The following MTUS1 variants were observed in gnomAD, a reference collection of about 807,000 sequenced individuals.
MTUS1 encodes the protein microtubule-associated tumor suppressor 1.
Under a neutral mutation model 120.8 loss-of-function variants are expected in MTUS1, and 109 were observed. The ratio of observed to expected loss-of-function variants is 0.90; its 90% CI spans 0.77 to 1.06. MTUS1 has a LOEUF of 1.06. Among genes scored for constraint, MTUS1 ranks in the 50% least tolerant of loss-of-function variants. The probability of loss-of-function intolerance (pLI) is 0.00; values close to 1 mark genes in which losing one functional copy is unlikely to be tolerated. For synonymous variants in MTUS1, 737 were observed against 550.5 expected, an observed-to-expected ratio of 1.34 and a Z score of -4.74; for missense variants, 2,210 against 1,486.3, an observed-to-expected ratio of 1.49 and a Z score of -8.01.
At chr8:17,745,425 T>A (rs1344783932) in intron 2 of MTUS1, among the ~76,000 whole-genome samples, 2 of 152,246 alleles carry the variant, frequency 1.3e-5, no homozygotes, top group Non-Finnish European at 2.9e-5. Context: ...TGTAGTAAGT[T>A]CAAGTTTTGC....
intron 12 of MTUS1, among the ~76,000 whole-genome samples, chr8:17,652,877 T>C (rs188584838): frequency 2.1e-4 from 32 of 151,646 alleles, no homozygotes; most frequent in Admixed American, 9.2e-4. Context: ...GTTTGTTTTA[T>C]CTCAATACAG....
At chr8:17,792,313 T>C (rs953531730) in intron 1 of MTUS1, among the ~76,000 whole-genome samples, 3 of 152,144 alleles carry the variant, frequency 2.0e-5, no homozygotes, top group East Asian at 1.9e-4. Flanking sequence ...ACTCACACCA[T>C]ATAAGGAGAA....
chr8:17,705,920 A>C (rs1820063784), intron 6 of MTUS1: 1 of 152,220 alleles, frequency 6.6e-6, no homozygotes, highest in Non-Finnish European at 1.5e-5. Context: ...GGTAGAACCA[A>C]GGTAATAATA....
chr8:17,716,564 GTTTGTTT>G (rs201582907), intron 4 of MTUS1: 4,996 of 160,642 alleles, frequency 0.031, 109 homozygotes, highest in Non-Finnish European at 0.048. Flanking sequence ...TTGTTTGTTT[GTTTGTTT>G]TGAGACGGAG....
rs1162819007 is a variant in MTUS1, at chr8:17,654,567, G to C, written c.3208C>G (p.Leu1070Val). 24 of 1,604,278 alleles carry C rather than the reference G, an allele frequency of 1.5e-5. No individual in the cohort carries two copies. Among genetic ancestry groups the C allele is most frequent in the Non-Finnish European group, 2.0e-5 (23 of 1,171,056 alleles). ...ELLKKAYEAS[L>V]SEIKKGHEIE... ...GGAAAAAAAGCATCCTTGCCTGAAA[G>C]GGAGGCTTCATAGGCCTTCTTTAGC... is the stretch of plus-strand genomic sequence containing the variant. Residue 1070 changes from leucine to valine, a missense_variant, in exon 10 of 15, where the codon CTT becomes GTT. By Grantham distance (32) the Leu-to-Val change is conservative. Transcript: ENST00000693296.
intron 4 of MTUS1, 146 bp downstream of exon 4, chr8:17,723,526 C>A (rs1366613121): frequency 1.2e-6 from 1 of 814,992 alleles, no homozygotes; most frequent in Non-Finnish European, 2.0e-6. Flanking sequence ...TTTTTTCTGC[C>A]AAACTTTCAG....
In MTUS1 at chr8:17,755,856, CT is replaced by C. The variant is rs749183073; in HGVS notation, c.-50del. The C allele has an allele frequency of 1.3e-6, 2 of 1,554,330 alleles. No homozygotes were observed. The highest frequency in any genetic ancestry group is 8.7e-7 in the Non-Finnish European group (1 of 1,154,738). On this transcript the variant is annotated 5_prime_UTR_variant, in exon 2 of 15. Coordinates refer to ENST00000693296, the MANE Select transcript of MTUS1 (RefSeq NM_001363059.2). ...TGCCATTTTATTTCTTCTTCAATTC[CT>C]TTTAAATGAGAGGGTGGGCAAAATG... is the stretch of plus-strand genomic sequence containing the variant.
intron 13 of MTUS1, among the ~76,000 whole-genome samples, chr8:17,647,643 T>C (rs866140690): frequency 2.9e-4 from 44 of 152,284 alleles, no homozygotes; most frequent in South Asian, 1.7e-3. Flanking sequence ...AGAAGTAACA[T>C]GCCACGAGTC....
At chr8:17,763,771 T>C (rs2049237852) in intron 1 of MTUS1, among the ~76,000 whole-genome samples, 2 of 152,176 alleles carry the variant, frequency 1.3e-5, no homozygotes, top group South Asian at 2.1e-4. Flanking sequence ...AGCACACAGA[T>C]ATTATGTTTC....
Position 17,684,397 on chromosome 8 carries a change from C to G in MTUS1, c.2769G>C (p.Lys923Asn), listed in dbSNP as rs1274875462. The G allele has an allele frequency of 1.5e-5, 24 of 1,614,084 alleles. No individual in the cohort carries two copies. The highest frequency in any genetic ancestry group is 2.0e-5 in the Non-Finnish European group (24 of 1,180,034). ...ENQSGFILQL[K>N]QLLACGNTKF... ...TGGTATTACCACAGGCAAGAAGCTG[C>G]TTGAGCTGCAGGATAAATCCACTTT... is the stretch of plus-strand genomic sequence containing the variant. The change falls in exon 7 of 15, where the codon AAG becomes AAC. Residue 923 changes from lysine to asparagine, a missense_variant. Coordinates refer to ENST00000693296, the MANE Select transcript of MTUS1 (RefSeq NM_001363059.2).
rs567743156 is a variant in MTUS1, at chr8:17,759,428, T to A, written c.-154-3467A>T. Among the ~76,000 whole-genome samples the A allele has an allele frequency of 5.9e-5, 9 of 151,598 alleles. No individual in the cohort carries two copies. In the South Asian group the frequency reaches 1.9e-3, roughly 31 times the overall value. ...ACAGGTATGTGCCAGCATGCCCAGCTAATTTTTTTAAAAAACTTTTTGTAG... is the reference window on the plus strand; with the variant it reads ...ACAGGTATGTGCCAGCATGCCCAGCAAATTTTTTTAAAAAACTTTTTGTAG... On this transcript the variant is annotated intron_variant, in intron 1 of 14. Transcript: ENST00000693296.
chr8:17,729,446 T>C (rs1243596542), intron 3 of MTUS1, among the ~76,000 whole-genome samples: 1 of 151,928 alleles, frequency 6.6e-6, no homozygotes, highest in African/African-American at 2.4e-5. Flanking sequence ...ACAAAATCCA[T>C]ATATTTCCTA....
intron 8 of MTUS1, among the ~76,000 whole-genome samples, chr8:17,670,507 G>A (rs1471269683): frequency 6.6e-6 from 1 of 152,150 alleles, no homozygotes; most frequent in Non-Finnish European, 1.5e-5. Context: ...AAAAGTGCTT[G>A]ACCTATCCAG....
chr8:17,706,108 A>G (rs1425027895), intron 6 of MTUS1: 1 of 152,176 alleles, frequency 6.6e-6, no homozygotes, highest in Non-Finnish European at 1.5e-5. Context: ...GAGATTTAAA[A>G]TAATTCAACT....
chr8:17,723,606 G>T, intron 4 of MTUS1, 66 bp downstream of exon 4: 1 of 1,492,296 alleles, frequency 6.7e-7, no homozygotes, highest in Non-Finnish European at 9.4e-7. Context: ...ATTATTTGCA[G>T]AGCATTAGTT....
At chr8:17,731,759 C>T (rs1297093614) in intron 3 of MTUS1, among the ~76,000 whole-genome samples, 1 of 152,098 alleles carries the variant, frequency 6.6e-6, no homozygotes, top group Admixed American at 6.5e-5. Context: ...TATAAGTGAG[C>T]GAAAGCTCTT....
At chr8:17,664,566 G>A (rs1220567694) in intron 8 of MTUS1, among the ~76,000 whole-genome samples, 8 of 151,464 alleles carry the variant, frequency 5.3e-5, no homozygotes. Context: ...TGGGAAACCG[G>A]CCTCCTCCTC....
At chr8:17,718,382 T>G (rs1381991828) in intron 4 of MTUS1, among the ~76,000 whole-genome samples, 1 of 152,232 alleles carries the variant, frequency 6.6e-6, no homozygotes, top group East Asian at 1.9e-4. Context: ...GTTCTGGTGC[T>G]GACTTGACCA....
chr8:17,684,593 A>C (rs781620103), intron 6 of MTUS1, 51 bp from the exon 7 acceptor site: 11 of 1,418,810 alleles, frequency 7.8e-6, no homozygotes, highest in Non-Finnish European at 9.9e-6. Flanking sequence ...TAATTTTTAA[A>C]ATCACCACCA....
Sources: allele counts gnomAD v4.1 joint callset (sites outside exome capture counted in the v4.1 genomes callset), GRCh38; gene constraint gnomAD v4.1.1; transcripts MANE v1.5; gene names NCBI Gene and HGNC (gene_info 2026-07-23, HGNC 2026-07-21).